Variants in ZNF503 observed in about 807,000 individuals in gnomAD.
ZNF503 encodes NocA-like zinc finger 2.
A neutral mutation model predicts 34.4 loss-of-function variants in ZNF503; 15 were observed. The ratio of observed to expected loss-of-function variants is 0.44; its 90% confidence interval spans 0.29 to 0.67. ZNF503 has a LOEUF of 0.67. Ranked by LOEUF, ZNF503 falls within the 30% of genes least tolerant of loss-of-function variation. ZNF503 has a pLI of 0.13. For synonymous variants in ZNF503, 580 were observed against 456.8 expected, an observed-to-expected ratio of 1.27 and a Z score of -3.44; for missense variants, 1,007 against 926.8, an observed-to-expected ratio of 1.09 and a Z score of -1.12.
At chr10:75,400,869 T>C in intron 1 of ZNF503, 1 of 653,214 alleles carries the variant, frequency 1.5e-6, no homozygotes, top group Non-Finnish European at 2.6e-6. Flanking sequence ...GTAGGGGCTT[T>C]CATATCGAAA....
the ZNF503 span, among the ~76,000 whole-genome samples, chr10:75,385,141 G>A: frequency 5.9e-5 from 9 of 152,114 alleles, 1 homozygote; most frequent in Admixed American, 3.3e-4. Context: ...TTAGGGACCC[G>A]GAGGCCAGCA....
At chr10:75,385,502 G>C in the ZNF503 span, among the ~76,000 whole-genome samples, 1 of 152,224 alleles carries the variant, frequency 6.6e-6, no homozygotes, top group Admixed American at 6.5e-5. Context: ...TCACTCATGT[G>C]GCTGGCACTT....
chr10:75,368,954 G>T, the ZNF503 span, among the ~76,000 whole-genome samples: 1 of 152,320 alleles, frequency 6.6e-6, no homozygotes, highest in Non-Finnish European at 1.5e-5. Context: ...TGGAATGCAG[G>T]TATTCCATAT....
At chr10:75,282,281 G>A in the ZNF503 span, among the ~76,000 whole-genome samples, 2 of 152,082 alleles carry the variant, frequency 1.3e-5, no homozygotes, top group Non-Finnish European at 2.9e-5. Flanking sequence ...GCTGGGGAGG[G>A]TTCCTCTTCC....
At chr10:75,363,593 C>T in the ZNF503 span, among the ~76,000 whole-genome samples, 1 of 152,206 alleles carries the variant, frequency 6.6e-6, no homozygotes, top group African/African-American at 2.4e-5. Flanking sequence ...TTTTGAAATG[C>T]CCACCCAGGT....
the ZNF503 span, among the ~76,000 whole-genome samples, chr10:75,335,132 T>A: frequency 6.6e-6 from 1 of 152,220 alleles, no homozygotes; most frequent in Non-Finnish European, 1.5e-5. Flanking sequence ...AGCCTCAGTT[T>A]TCATATCTCT....
chr10:75,300,256 G>A, the ZNF503 span, among the ~76,000 whole-genome samples: 8 of 152,180 alleles, frequency 5.3e-5, no homozygotes, highest in Non-Finnish European at 7.4e-5. Flanking sequence ...CTGGCTCACC[G>A]GCGGTCAGAG....
chr10:75,335,812 C>T, the ZNF503 span, among the ~76,000 whole-genome samples: 4 of 152,294 alleles, frequency 2.6e-5, no homozygotes, highest in Non-Finnish European at 5.9e-5. Context: ...CCCTCCTGGC[C>T]TTCATTTCCA....
the ZNF503 span, among the ~76,000 whole-genome samples, chr10:75,289,400 T>C: frequency 6.6e-6 from 1 of 152,068 alleles, no homozygotes; most frequent in Non-Finnish European, 1.5e-5. Context: ...CTCAAAATCA[T>C]TTTATTATGT....
the ZNF503 span, among the ~76,000 whole-genome samples, chr10:75,331,591 G>A: frequency 6.6e-6 from 1 of 152,190 alleles, no homozygotes; most frequent in South Asian, 2.1e-4. Flanking sequence ...TGGGACTACA[G>A]GTGTGTGCCA....
the ZNF503 span, among the ~76,000 whole-genome samples, chr10:75,289,206 G>A: frequency 1.9e-4 from 29 of 152,172 alleles, no homozygotes; most frequent in Non-Finnish European, 1.2e-4. Context: ...GTTTTGAATC[G>A]TAATAAAATC....
the ZNF503 span, among the ~76,000 whole-genome samples, chr10:75,291,871 T>G: frequency 6.6e-6 from 1 of 152,318 alleles, no homozygotes; most frequent in South Asian, 2.1e-4. Flanking sequence ...AGGGGTCAGC[T>G]GCAGCTCTGG....
chr10:75,321,003 T>G, the ZNF503 span, among the ~76,000 whole-genome samples: 167 of 152,256 alleles, frequency 1.1e-3, 3 homozygotes, highest in East Asian at 9.6e-4. Context: ...AGGTGGGGCC[T>G]GGTGGGAGGC....
chr10:75,367,627 C>T, the ZNF503 span, among the ~76,000 whole-genome samples: 2 of 152,240 alleles, frequency 1.3e-5, no homozygotes, highest in South Asian at 2.1e-4. Context: ...TCAAAGAAGC[C>T]TCTTGACATG....
the ZNF503 span, among the ~76,000 whole-genome samples, chr10:75,384,080 T>C: frequency 6.6e-6 from 1 of 152,234 alleles, no homozygotes; most frequent in Non-Finnish European, 1.5e-5. Flanking sequence ...CTGTGGGAAC[T>C]GGAAGGCCTG....
rs1843759337 is a variant in ZNF503 at position 75,399,817 on chromosome 10, A to G, written c.873T>C (p.Asn291=). Residue 291 remains asparagine, a synonymous_variant, in exon 2 of 2, where the codon AAT becomes AAC. Coordinates refer to ENST00000372524, the MANE Select transcript of ZNF503 (RefSeq NM_032772.6). ...CATCCGGATGCTGGTTCACATCCAC[A>G]TTAATCCCGCCGCCGCAGCTAATCC... is the stretch of plus-strand genomic sequence containing the variant. ...HGRISCGGGI[N]VDVNQHPDGG... The G allele has an allele frequency of 6.2e-7, 1 of 1,603,532 alleles. No individual in the cohort carries two copies. Among genetic ancestry groups the G allele is most frequent in the African/African-American group, 1.3e-5 (1 of 74,828 alleles).
the ZNF503 span, among the ~76,000 whole-genome samples, chr10:75,336,418 G>A: frequency 6.9e-6 from 1 of 145,242 alleles, no homozygotes; most frequent in African/African-American, 2.5e-5. Context: ...TCCCAAAACT[G>A]ATTTTCAAAT....
At chr10:75,379,140 C>T in the ZNF503 span, among the ~76,000 whole-genome samples, 5 of 152,054 alleles carry the variant, frequency 3.3e-5, no homozygotes, top group African/African-American at 1.2e-4. Flanking sequence ...TTTAATGGTG[C>T]CTCACCTTAA....
chr10:75,348,926 C>G, the ZNF503 span, among the ~76,000 whole-genome samples: 2 of 152,164 alleles, frequency 1.3e-5, no homozygotes, highest in African/African-American at 4.8e-5. Flanking sequence ...TATATATTCA[C>G]CTAATATACC....
Sources: gnomAD v4.1 joint callset for allele counts (sites outside exome capture counted in the v4.1 genomes callset) on GRCh38, gnomAD v4.1.1 for gene constraint, MANE v1.5 for transcripts, NCBI Gene and HGNC (gene_info 2026-07-23, HGNC 2026-07-21) for gene names.